Variants in BCAS1 observed in about 807,000 individuals in gnomAD.
BCAS1 encodes breast carcinoma-amplified sequence 1.
In BCAS1, 46 loss-of-function variants were observed where a neutral mutation model predicts 65.4. The observed-to-expected ratio is 0.70, with a 90% CI of 0.55 to 0.90. The LOEUF is 0.90. Ranked by LOEUF, BCAS1 falls within the 40% of genes least tolerant of loss-of-function variation. The probability of loss-of-function intolerance (pLI) is 0.00; values close to 1 mark genes in which losing one functional copy is unlikely to be tolerated. For synonymous variants in BCAS1, 298 were observed against 293.5 expected, an observed-to-expected ratio of 1.02 and a Z score of -0.16; for missense variants, 793 against 771.2, an observed-to-expected ratio of 1.03 and a Z score of -0.33.
chr20:54,038,743 C>G (rs943827783), intron 3 of BCAS1, among the ~76,000 whole-genome samples: 15 of 151,464 alleles, frequency 9.9e-5, no homozygotes, highest in African/African-American at 3.6e-4. Context: ...GCCGAATCAT[C>G]TCTTCCTATG....
intron 4 of BCAS1, among the ~76,000 whole-genome samples, chr20:54,000,304 G>C (rs1000558959): frequency 1.3e-5 from 2 of 152,148 alleles, no homozygotes; most frequent in African/African-American, 4.8e-5. Flanking sequence ...CCAGGACAAA[G>C]AGTTATCTGG....
chr20:54,049,647 C>T (rs1038556824), intron 3 of BCAS1, among the ~76,000 whole-genome samples: 4 of 151,906 alleles, frequency 2.6e-5, no homozygotes, highest in African/African-American at 9.7e-5. Context: ...CTCAAGCAAT[C>T]CTCCCACCTC....
chr20:53,973,151 C>T (rs1322042230), intron 9 of BCAS1, among the ~76,000 whole-genome samples: 1 of 152,198 alleles, frequency 6.6e-6, no homozygotes, highest in Non-Finnish European at 1.5e-5. Context: ...TCACTTGAAC[C>T]TGGGTGGGTG....
At chr20:54,042,320 A>T (rs2092014593) in intron 3 of BCAS1, among the ~76,000 whole-genome samples, 1 of 152,128 alleles carries the variant, frequency 6.6e-6, no homozygotes, top group Non-Finnish European at 1.5e-5. Flanking sequence ...GTGAAAAAAT[A>T]ATCTGTACAA....
chr20:53,989,747 A>C lies in BCAS1; in HGVS notation c.1062+2765T>G, dbSNP rs1282187158. Among the ~76,000 whole-genome samples, 5 of 152,278 alleles carry C rather than the reference A, an allele frequency of 3.3e-5. No individual in the cohort carries two copies. In the East Asian group the frequency reaches 9.6e-4, roughly 29 times the overall value. On this transcript the variant is annotated intron_variant, in intron 7 of 12. Coordinates refer to ENST00000688948, the MANE Select transcript of BCAS1 (RefSeq NM_001366298.2). ...TTTGCGTTACAGAGGAGACTACAAA[A>C]ATTTTAATTGTGTTTTCAGAGGCAA...
chr20:54,043,917 G>A (rs2092049051), intron 3 of BCAS1, among the ~76,000 whole-genome samples: 1 of 152,196 alleles, frequency 6.6e-6, no homozygotes, highest in Admixed American at 6.5e-5. Flanking sequence ...GCTCTTTGGG[G>A]TATGCTTTGC....
At chr20:53,982,184 C>G (rs895676954) in intron 8 of BCAS1, among the ~76,000 whole-genome samples, 2 of 152,092 alleles carry the variant, frequency 1.3e-5, no homozygotes, top group Admixed American at 6.5e-5. Flanking sequence ...TTGCCATACA[C>G]AAGAATTATC....
chr20:53,999,116 T>C (rs1275566713), intron 4 of BCAS1, among the ~76,000 whole-genome samples: 2 of 152,212 alleles, frequency 1.3e-5, no homozygotes, highest in African/African-American at 4.8e-5. Flanking sequence ...TGTAACATCA[T>C]ATAAATTAAA....
chr20:53,979,506 G>T (rs1798430246), intron 8 of BCAS1, among the ~76,000 whole-genome samples: 1 of 152,196 alleles, frequency 6.6e-6, no homozygotes, highest in African/African-American at 2.4e-5. Context: ...AGCACAACAT[G>T]GAAGGAAAAG....
intron 3 of BCAS1, among the ~76,000 whole-genome samples, chr20:54,032,416 C>A (rs1027163481): frequency 6.6e-6 from 1 of 151,316 alleles, no homozygotes; most frequent in East Asian, 1.9e-4. Flanking sequence ...AACTACATAA[C>A]AAGTCTGCAA....
intron 4 of BCAS1, among the ~76,000 whole-genome samples, chr20:54,018,545 C>A (rs967664119): frequency 2.6e-5 from 4 of 152,110 alleles, no homozygotes; most frequent in African/African-American, 9.6e-5. Flanking sequence ...ATTGTGTTAG[C>A]CAGGATGGTC....
intron 10 of BCAS1, among the ~76,000 whole-genome samples, chr20:53,963,510 T>G (rs1361954470): frequency 6.6e-6 from 1 of 151,418 alleles, no homozygotes; most frequent in African/African-American, 2.4e-5. Flanking sequence ...AGGAGGGAAA[T>G]GCAAAGGATA....
intron 4 of BCAS1, among the ~76,000 whole-genome samples, chr20:53,996,715 T>G (rs2090925089): frequency 6.6e-6 from 1 of 152,110 alleles, no homozygotes; most frequent in South Asian, 2.1e-4. Flanking sequence ...GCCTTGTCTC[T>G]GGTTGGGCTC....
At chr20:54,063,139 A>T (rs2092396048) in intron 1 of BCAS1, among the ~76,000 whole-genome samples, 1 of 152,124 alleles carries the variant, frequency 6.6e-6, no homozygotes, top group African/African-American at 2.4e-5. Context: ...TTGTATGGAG[A>T]GCTTGCCGTA....
intron 1 of BCAS1, among the ~76,000 whole-genome samples, chr20:54,059,147 A>G (rs1304222848): frequency 6.6e-6 from 1 of 152,204 alleles, no homozygotes; most frequent in Admixed American, 6.5e-5. Context: ...CCCATCCTTG[A>G]CGTGGGGATT....
intron 9 of BCAS1, among the ~76,000 whole-genome samples, chr20:53,971,705 A>C (rs1343835098): frequency 6.6e-6 from 1 of 152,246 alleles, no homozygotes; most frequent in Non-Finnish European, 1.5e-5. Flanking sequence ...AATGAGAGCC[A>C]GTAAAGGCCA....
rs201873994 is a variant in BCAS1, at chr20:54,028,443, C to G, written c.672G>C (p.Val224=). ...EAKRAEHQDK[V]DEVPGLSGQS... is the part of the protein sequence containing the mutation. ...GCCCTGATAAGCCAGGAACCTCATCCACCTTGTCTTGATGCTCTGCCCTCT... is the reference window on the plus strand; with the variant it reads ...GCCCTGATAAGCCAGGAACCTCATCGACCTTGTCTTGATGCTCTGCCCTCT... The change falls in exon 4 of 13, where the codon GTG becomes GTC. Residue 224 remains valine (V), a synonymous_variant. Coordinates refer to ENST00000688948, the MANE Select transcript of BCAS1 (RefSeq NM_001366298.2). The G allele has an allele frequency of 2.4e-4, 380 of 1,614,218 alleles. No individual in the cohort carries two copies. Among genetic ancestry groups the G allele is most frequent in the Non-Finnish European group, 2.9e-4 (344 of 1,180,024 alleles).
intron 12 of BCAS1, 134 bp downstream of exon 12, chr20:53,953,298 G>T: frequency 8.6e-7 from 1 of 1,161,052 alleles, no homozygotes. Flanking sequence ...TCACATAGCA[G>T]TTCAAAAACC....
chr20:54,062,032 C>G (rs1310704002), intron 1 of BCAS1, among the ~76,000 whole-genome samples: 3 of 152,134 alleles, frequency 2.0e-5, no homozygotes, highest in Non-Finnish European at 2.9e-5. Flanking sequence ...ATTTTGGCAT[C>G]CATAAATAAA....
Sources: gnomAD v4.1 joint callset for allele counts (sites outside exome capture counted in the v4.1 genomes callset) on GRCh38, gnomAD v4.1.1 for gene constraint, MANE v1.5 for transcripts, NCBI Gene and HGNC (gene_info 2026-07-23, HGNC 2026-07-21) for gene names.